Variants in TAFA2 observed in about 807,000 individuals in gnomAD.
The protein encoded by TAFA2 is chemokine-like protein TAFA-2.
A neutral mutation model predicts 18.8 loss-of-function variants in TAFA2; 7 were observed. That is an observed-to-expected ratio of 0.37 (90% confidence interval 0.21 to 0.70). The LOEUF (loss-of-function observed/expected upper bound fraction) is 0.70, where lower values mean the gene tolerates loss of function less well. Ranked by LOEUF, TAFA2 falls within the 30% of genes least tolerant of loss-of-function variation. The pLI is 0.53. For synonymous variants in TAFA2, 60 were observed against 54.2 expected (o/e 1.11, Z -0.47); for missense variants, 122 against 158.1 (o/e 0.77, Z 1.23).
At chr12:62,064,319 A>C (rs867586884) in intron 1 of TAFA2, among the ~76,000 whole-genome samples, 2 of 152,152 alleles carry the variant, frequency 1.3e-5, no homozygotes, top group African/African-American at 4.8e-5. Context: ...ATCACTGTAC[A>C]TATACACAAA....
At chr12:61,959,862 T>G (rs61941014) in intron 1 of TAFA2, among the ~76,000 whole-genome samples, 399 of 152,174 alleles carry the variant, frequency 2.6e-3, no homozygotes, top group Middle Eastern at 0.014. Context: ...ACTGCATCAC[T>G]ATTTTTTTTT....
At chr12:62,093,309 ACT>A (rs1307379601) in intron 1 of TAFA2, among the ~76,000 whole-genome samples, 7 of 151,910 alleles carry the variant, frequency 4.6e-5, no homozygotes, top group African/African-American at 1.4e-4. Flanking sequence ...ATTGTAAGAG[ACT>A]CTGTGTACAT....
chr12:62,051,243 C>G (rs1039759188), intron 1 of TAFA2, among the ~76,000 whole-genome samples: 2 of 152,220 alleles, frequency 1.3e-5, no homozygotes, highest in Admixed American at 6.5e-5. Context: ...GTGAGGCATA[C>G]AGATTGGTCC....
intron 1 of TAFA2, among the ~76,000 whole-genome samples, chr12:61,947,144 C>A (rs1012681990): frequency 7.1e-6 from 1 of 141,042 alleles, no homozygotes; most frequent in African/African-American, 2.7e-5. Flanking sequence ...ATGATGAGTT[C>A]ATGTCCTTTG....
intron 1 of TAFA2, chr12:62,252,651 T>C (rs1166641631): frequency 6.6e-6 from 1 of 152,176 alleles, no homozygotes; most frequent in African/African-American, 2.4e-5. Flanking sequence ...TAGGGTATTA[T>C]TGTATCTAAG....
intron 4 of TAFA2, among the ~76,000 whole-genome samples, chr12:61,738,046 T>C (rs1425416853): frequency 2.6e-5 from 4 of 152,056 alleles, no homozygotes; most frequent in Non-Finnish European, 5.9e-5. Context: ...TATTGGTTAT[T>C]CCATTAATAG....
intron 2 of TAFA2, among the ~76,000 whole-genome samples, chr12:61,828,179 A>G (rs994328009): frequency 2.0e-4 from 31 of 151,998 alleles, no homozygotes; most frequent in African/African-American, 7.2e-4. Context: ...AATCCTTTTT[A>G]GTGTATCATG....
intron 1 of TAFA2, chr12:61,880,560 C>T (rs1365630957): frequency 8.3e-6 from 4 of 483,534 alleles, no homozygotes; most frequent in Admixed American, 2.1e-5. Flanking sequence ...AGTATCTACT[C>T]AAAGACCACC....
At chr12:61,969,066 G>C (rs1187887448) in intron 1 of TAFA2, among the ~76,000 whole-genome samples, 1 of 151,644 alleles carries the variant, frequency 6.6e-6, no homozygotes, top group Admixed American at 6.6e-5. Context: ...GAAACACTGA[G>C]CAAGTGTTCT....
chr12:61,721,936 C>A (rs1430190069), intron 4 of TAFA2, among the ~76,000 whole-genome samples: 1 of 145,302 alleles, frequency 6.9e-6, no homozygotes, highest in African/African-American at 2.6e-5. Flanking sequence ...GCCTGGGTGA[C>A]AAGAGTGAGA....
chr12:62,028,719 C>T (rs975746113), intron 1 of TAFA2, among the ~76,000 whole-genome samples: 7 of 152,142 alleles, frequency 4.6e-5, no homozygotes, highest in Non-Finnish European at 1.0e-4. Flanking sequence ...GTTGCAGAGT[C>T]GAATGCAGTC....
chr12:62,147,322 GTATGTATATATATATATATATATATATA>G (rs1166714614), intron 1 of TAFA2, among the ~76,000 whole-genome samples: 67 of 49,382 alleles, frequency 1.4e-3, no homozygotes, highest in African/African-American at 2.9e-3. Flanking sequence ...GTGTGTGTAT[GTATGTATATATATATATATATATATATA>G]TATATATATA....
chr12:62,034,708 T>C (rs1303569822), intron 1 of TAFA2, among the ~76,000 whole-genome samples: 1 of 152,148 alleles, frequency 6.6e-6, no homozygotes, highest in Admixed American at 6.5e-5. Context: ...GATTTCTCCA[T>C]AGTCAATAAT....
At chr12:61,728,414 G>A (rs1459555944) in intron 4 of TAFA2, among the ~76,000 whole-genome samples, 1 of 151,862 alleles carries the variant, frequency 6.6e-6, no homozygotes, top group African/African-American at 2.4e-5. Context: ...TCCAGCATTA[G>A]GTGCATACAC....
chr12:61,830,653 C>G (rs914510049), intron 2 of TAFA2, among the ~76,000 whole-genome samples: 1 of 151,908 alleles, frequency 6.6e-6, no homozygotes, highest in African/African-American at 2.4e-5. Flanking sequence ...ACAATGTATA[C>G]TATTCGAGTG....
At chr12:61,744,483 G>A (rs1592360189) in intron 4 of TAFA2, among the ~76,000 whole-genome samples, 3 of 151,992 alleles carry the variant, frequency 2.0e-5, no homozygotes. Flanking sequence ...CAAATACCAA[G>A]GTAGACACTC....
At chr12:61,884,791 A>G (rs185392798) in intron 1 of TAFA2, among the ~76,000 whole-genome samples, 143 of 152,312 alleles carry the variant, frequency 9.4e-4, no homozygotes, top group Middle Eastern at 6.8e-3. Context: ...GAGGGTTACA[A>G]TAAAATGAAG....
At chr12:61,814,340 G>C (rs35182365) in intron 2 of TAFA2, among the ~76,000 whole-genome samples, 43,303 of 151,174 alleles carry the variant, frequency 0.29, 7,163 homozygotes, top group South Asian at 0.4. Flanking sequence ...AGTTGTGGAG[G>C]TAACAGGAGC....
In TAFA2 at chr12:61,744,523, T is replaced by C. The variant is rs998686615; in HGVS notation, c.384+9099A>G. On this transcript the variant is annotated intron_variant, in intron 4 of 4. Transcript: ENST00000416284. ...CCCTATTAAATTATATTTAATTAAG[T>C]AATCAGCTCTTAAATTTAAAATATC... Among the ~76,000 whole-genome samples, 3 of 152,118 alleles carry C rather than the reference T, an allele frequency of 2.0e-5. No individual in the cohort carries two copies. In the East Asian group the frequency reaches 5.8e-4, roughly 29 times the overall value.
Sources: allele counts gnomAD v4.1 joint callset (sites outside exome capture counted in the v4.1 genomes callset), GRCh38; gene constraint gnomAD v4.1.1; transcripts MANE v1.5; gene names NCBI Gene and HGNC (gene_info 2026-07-23, HGNC 2026-07-21).